The following LOC128092253 variants were observed in gnomAD, a reference collection of about 807,000 sequenced individuals.
the LOC128092253 span, among the ~76,000 whole-genome samples, chr6:133,963,053 T>C: frequency 1.3e-5 from 2 of 152,214 alleles, no homozygotes; most frequent in African/African-American, 2.4e-5. Context: ...TGCCATTGAA[T>C]TCAGCAATGA....
chr6:133,976,347 G>C, the LOC128092253 span, among the ~76,000 whole-genome samples: 3 of 152,158 alleles, frequency 2.0e-5, no homozygotes, highest in Non-Finnish European at 4.4e-5. Flanking sequence ...CAGATACGAT[G>C]TTGAGTCATG....
the LOC128092253 span, among the ~76,000 whole-genome samples, chr6:133,976,921 TC>T: frequency 6.8e-6 from 1 of 146,064 alleles, no homozygotes; most frequent in African/African-American, 2.6e-5. Flanking sequence ...TGAGCCAAGA[TC>T]GCGTCACAGC....
At chr6:133,962,408 G>A in the LOC128092253 span, among the ~76,000 whole-genome samples, 1 of 152,214 alleles carries the variant, frequency 6.6e-6, no homozygotes, top group African/African-American at 2.4e-5. Context: ...TTTGGATGCA[G>A]AAAAGAAGCT....
the LOC128092253 span, among the ~76,000 whole-genome samples, chr6:133,955,811 C>A: frequency 8.4e-3 from 1,284 of 152,230 alleles, 38 homozygotes; most frequent in Admixed American, 0.062. Context: ...TTCTTAAAAT[C>A]AATCTTGACT....
the LOC128092253 span, among the ~76,000 whole-genome samples, chr6:133,961,321 T>C: frequency 6.6e-6 from 1 of 152,148 alleles, no homozygotes; most frequent in Admixed American, 6.5e-5. Flanking sequence ...TTCAAGGAGC[T>C]TGGTGTCTGC....
At chr6:133,962,073 G>T in the LOC128092253 span, among the ~76,000 whole-genome samples, 1 of 152,130 alleles carries the variant, frequency 6.6e-6, no homozygotes, top group African/African-American at 2.4e-5. Flanking sequence ...GACGATTTAG[G>T]CAGCTATAAA....
At chr6:133,960,039 C>T in the LOC128092253 span, among the ~76,000 whole-genome samples, 1 of 152,162 alleles carries the variant, frequency 6.6e-6, no homozygotes, top group African/African-American at 2.4e-5. Context: ...CGTTTTTCCT[C>T]TCACCTACTT....
the LOC128092253 span, among the ~76,000 whole-genome samples, chr6:133,965,841 A>G: frequency 6.6e-6 from 1 of 152,232 alleles, no homozygotes; most frequent in South Asian, 2.1e-4. Flanking sequence ...TAATAGTAAC[A>G]ATAAGAACAG....
At chr6:133,966,800 A>G in the LOC128092253 span, among the ~76,000 whole-genome samples, 1 of 127,052 alleles carries the variant, frequency 7.9e-6, no homozygotes, top group African/African-American at 3.2e-5. Flanking sequence ...TCTTGTGTCT[A>G]CTACTTTGCA....
At chr6:133,974,951 AC>A in the LOC128092253 span, among the ~76,000 whole-genome samples, 5 of 152,338 alleles carry the variant, frequency 3.3e-5, no homozygotes, top group South Asian at 8.3e-4. Flanking sequence ...CTTCAGTCAC[AC>A]CTAAGACACT....
the LOC128092253 span, among the ~76,000 whole-genome samples, chr6:133,957,983 G>A: frequency 6.6e-6 from 1 of 152,144 alleles, no homozygotes; most frequent in African/African-American, 2.4e-5. Flanking sequence ...CTTTCTTTCT[G>A]TTCACTGACT....
At chr6:133,958,533 G>C in the LOC128092253 span, among the ~76,000 whole-genome samples, 2 of 152,126 alleles carry the variant, frequency 1.3e-5, no homozygotes, top group African/African-American at 4.8e-5. Context: ...ACCTAATCAG[G>C]AAAATAATTT....
chr6:133,969,583 C>T, the LOC128092253 span, among the ~76,000 whole-genome samples: 3 of 152,088 alleles, frequency 2.0e-5, no homozygotes, highest in Non-Finnish European at 2.9e-5. Context: ...GTAAAATATA[C>T]AGTCTTTTTC....
chr6:133,975,769 A>G, the LOC128092253 span, among the ~76,000 whole-genome samples: 1 of 152,232 alleles, frequency 6.6e-6, no homozygotes, highest in Non-Finnish European at 1.5e-5. Context: ...AATTGAAAGT[A>G]GAGGCTTTCT....
At chr6:133,965,579 T>G in the LOC128092253 span, among the ~76,000 whole-genome samples, 1 of 152,034 alleles carries the variant, frequency 6.6e-6, no homozygotes, top group Non-Finnish European at 1.5e-5. Context: ...TTGCTTTGAT[T>G]TGATGGTTTT....
the LOC128092253 span, among the ~76,000 whole-genome samples, chr6:133,963,187 C>G: frequency 2.6e-5 from 4 of 152,268 alleles, no homozygotes; most frequent in East Asian, 7.7e-4. Flanking sequence ...TTGATGTTCT[C>G]TGAAAAACAG....
the LOC128092253 span, among the ~76,000 whole-genome samples, chr6:133,975,328 A>T: frequency 6.6e-6 from 1 of 152,156 alleles, no homozygotes; most frequent in African/African-American, 2.4e-5. Flanking sequence ...TGGAAAATTT[A>T]ATTAAGCAAA....
the LOC128092253 span, among the ~76,000 whole-genome samples, chr6:133,965,919 A>C: frequency 6.6e-6 from 1 of 152,208 alleles, no homozygotes; most frequent in African/African-American, 2.4e-5. Flanking sequence ...AATTTTCACA[A>C]CACTATGATG....
the LOC128092253 span, among the ~76,000 whole-genome samples, chr6:133,963,458 T>G: frequency 6.6e-6 from 1 of 152,192 alleles, no homozygotes; most frequent in Non-Finnish European, 1.5e-5. Context: ...ATAGTCTCAC[T>G]CTATAGCCCA....
Sources: gnomAD v4.1 joint callset for allele counts (sites outside exome capture counted in the v4.1 genomes callset) on GRCh38, gnomAD v4.1.1 for gene constraint, MANE v1.5 for transcripts.